Variants in EVI5 observed in about 807,000 individuals in gnomAD.
EVI5 encodes the protein ecotropic viral integration site 5 protein homolog.
In EVI5, 73 loss-of-function variants were observed where a neutral mutation model predicts 112.0. The observed-to-expected ratio is 0.65, with a 90% CI of 0.54 to 0.79. EVI5 has a LOEUF of 0.79. Among genes scored for constraint, EVI5 ranks in the 30% least tolerant of loss-of-function variants. EVI5 has a pLI of 0.00. For missense variants in EVI5, 900 were observed against 968.8 expected (o/e 0.93, Z 0.94); for synonymous variants, 305 against 319.9 (o/e 0.95, Z 0.50).
intron 1 of EVI5, among the ~76,000 whole-genome samples, chr1:92,777,377 T>A (rs1349600233): frequency 5.3e-5 from 8 of 152,208 alleles, no homozygotes; most frequent in Admixed American, 5.2e-4. Context: ...CAGGCACTCA[T>A]CTCCTCCTAC....
At chr1:92,536,148 T>C (rs936643103) in intron 19 of EVI5, among the ~76,000 whole-genome samples, 3 of 152,190 alleles carry the variant, frequency 2.0e-5, no homozygotes, top group Non-Finnish European at 4.4e-5. Context: ...TCAGCACAAG[T>C]TTAATAGTTA....
intron 18 of EVI5, among the ~76,000 whole-genome samples, chr1:92,590,293 G>A (rs564501531): frequency 1.3e-5 from 2 of 152,264 alleles, no homozygotes; most frequent in South Asian, 2.1e-4. Context: ...GAGAGAAGAA[G>A]GCTTCAGACG....
chr1:92,545,414 TA>T (rs11284076), intron 19 of EVI5, among the ~76,000 whole-genome samples: 117,472 of 143,784 alleles, frequency 0.82, 47,951 homozygotes, highest in East Asian at 0.96. Context: ...CTACTTGATG[TA>T]AAAAAAAAAA....
At chr1:92,693,028 CA>C (rs562009225) in intron 9 of EVI5, among the ~76,000 whole-genome samples, 1 of 151,836 alleles carries the variant, frequency 6.6e-6, no homozygotes, top group African/African-American at 2.4e-5. Flanking sequence ...ACATGAATGC[CA>C]AAAAAAGCTT....
chr1:92,660,044 GC>G (rs1234361418), intron 13 of EVI5, among the ~76,000 whole-genome samples: 2 of 151,972 alleles, frequency 1.3e-5, no homozygotes, highest in African/African-American at 4.8e-5. Flanking sequence ...TGGACATAGA[GC>G]ATAGAATAAT....
At chr1:92,692,737 T>C (rs761732659) in intron 9 of EVI5, among the ~76,000 whole-genome samples, 2 of 152,178 alleles carry the variant, frequency 1.3e-5, no homozygotes, top group Non-Finnish European at 2.9e-5. Flanking sequence ...TATTTAAATA[T>C]ACTTTGTGGA....
chr1:92,708,484 T>C (rs1207662865), intron 2 of EVI5, among the ~76,000 whole-genome samples: 1 of 152,144 alleles, frequency 6.6e-6, no homozygotes, highest in Non-Finnish European at 1.5e-5. Context: ...TAAGTGTTTG[T>C]GAGAATATGG....
chr1:92,551,133 C>T (rs989803411), intron 19 of EVI5, among the ~76,000 whole-genome samples: 51 of 146,502 alleles, frequency 3.5e-4, no homozygotes, highest in African/African-American at 1.3e-3. Flanking sequence ...ACCTCAACCT[C>T]CTGGGTCAAG....
At chr1:92,609,750 G>GA (rs1651314401) in intron 16 of EVI5, among the ~76,000 whole-genome samples, 1 of 151,912 alleles carries the variant, frequency 6.6e-6, no homozygotes, top group Non-Finnish European at 1.5e-5. Flanking sequence ...CAGTTTTAAT[G>GA]AAAAAATGTA....
At chr1:92,620,346 C>CAA (rs541900960) in intron 16 of EVI5, among the ~76,000 whole-genome samples, 1 of 62,602 alleles carries the variant, frequency 1.6e-5, no homozygotes, top group Non-Finnish European at 3.1e-5. Context: ...AACTCCATCT[C>CAA]AAAAAAAAAA....
chr1:92,750,815 C>T (rs1473209026), intron 1 of EVI5, among the ~76,000 whole-genome samples: 1 of 152,168 alleles, frequency 6.6e-6, no homozygotes, highest in Non-Finnish European at 1.5e-5. Context: ...CCCACCATAA[C>T]ATACAAACAC....
intron 2 of EVI5, chr1:92,714,065 A>G (rs1673245337): frequency 1.0e-6 from 1 of 984,262 alleles, no homozygotes; most frequent in Non-Finnish European, 1.2e-6. Context: ...CATTTAACAC[A>G]CAAGGGGGAA....
At chr1:92,600,425 CAT>C (rs1648892624) in intron 18 of EVI5, among the ~76,000 whole-genome samples, 1 of 152,116 alleles carries the variant, frequency 6.6e-6, no homozygotes, top group Non-Finnish European at 1.5e-5. Context: ...CTTCTCTGTA[CAT>C]CATGTTTCAT....
intron 6 of EVI5, 27 bp from the exon 7 acceptor site, chr1:92,695,480 A>T: frequency 6.9e-7 from 1 of 1,449,196 alleles, no homozygotes. Flanking sequence ...AATTAGTTAT[A>T]ACACAGTAAA....
rs56412396 is a variant in EVI5 at position 92,669,547 on chromosome 1, C to CA, written c.1159-3556dup. Among the ~76,000 whole-genome samples the CA allele has an allele frequency of 1.8e-3, 91 of 51,810 alleles. 10 individuals are homozygous for CA. The highest frequency in any genetic ancestry group is 0.014 in the Middle Eastern group (1 of 74). The allele number at this position is 51,810 out of a possible 152,430, so 34.0% of individuals were successfully genotyped here. A position where few individuals can be genotyped will look rare whatever the true frequency, so the allele number is the denominator to read the frequency against. ...TGGGCAACGGAGCAAGGCTCTGTCTCAAAAAAAAAAAAAATCACTGGGAAA... is the reference window on the plus strand; with the variant it reads ...TGGGCAACGGAGCAAGGCTCTGTCTCAAAAAAAAAAAAAAATCACTGGGAAA... On this transcript the variant is annotated intron_variant, in intron 10 of 19. Coordinates refer to ENST00000684568, the MANE Select transcript of EVI5 (RefSeq NM_001350197.2).
chr1:92,646,916 T>C (rs1277926806), intron 13 of EVI5: 7 of 214,052 alleles, frequency 3.3e-5, no homozygotes, highest in Non-Finnish European at 7.0e-5. Flanking sequence ...TGCAATATGA[T>C]TGTGATCAAA....
upstream of EVI5, among the ~76,000 whole-genome samples, chr1:92,788,803 A>G (rs1056803016): frequency 1.6e-4 from 25 of 152,144 alleles, no homozygotes; most frequent in African/African-American, 6.0e-4. Context: ...CAACAGCAAC[A>G]ACAACAACAA....
At chr1:92,698,433 G>T (rs1670644348) in intron 5 of EVI5, among the ~76,000 whole-genome samples, 1 of 152,182 alleles carries the variant, frequency 6.6e-6, no homozygotes, top group Admixed American at 6.5e-5. Context: ...ATGCTGGGGA[G>T]ACACACGGCT....
intron 18 of EVI5, among the ~76,000 whole-genome samples, chr1:92,577,606 C>G (rs1227032782): frequency 1.3e-5 from 2 of 152,194 alleles, no homozygotes; most frequent in African/African-American, 2.4e-5. Context: ...TCAGCCTGTT[C>G]TATCATTTGT....
Sources: allele counts gnomAD v4.1 joint callset (sites outside exome capture counted in the v4.1 genomes callset), GRCh38; gene constraint gnomAD v4.1.1; transcripts MANE v1.5; gene names NCBI Gene and HGNC (gene_info 2026-07-23, HGNC 2026-07-21).